Variants in EYS observed in about 807,000 individuals in gnomAD.
EYS encodes protein eyes shut homolog.
EYS carries 250 observed loss-of-function variants against 282.1 expected under a neutral mutation model. The observed-to-expected ratio is 0.89, with a 90% CI of 0.80 to 0.98. EYS has a LOEUF of 0.98. EYS is among the 50% of genes least tolerant of loss of function. The pLI is 0.00. For synonymous variants in EYS, 1,355 were observed against 1,282.9 expected, an observed-to-expected ratio of 1.06 and a Z score of -1.20; for missense variants, 4,016 against 3,709.0, an observed-to-expected ratio of 1.08 and a Z score of -2.15.
At chr6:63,826,896 C>T (rs935570890) in intron 36 of EYS, among the ~76,000 whole-genome samples, 11 of 101,746 alleles carry the variant, frequency 1.1e-4, no homozygotes, top group African/African-American at 3.6e-4. Context: ...ACATAGGCAA[C>T]AAAGAGCACA....
At chr6:63,768,192 A>C (rs1040957726) in intron 40 of EYS, among the ~76,000 whole-genome samples, 4 of 152,162 alleles carry the variant, frequency 2.6e-5, no homozygotes, top group African/African-American at 9.7e-5. Flanking sequence ...AAGTCCCCAG[A>C]AGCAATTTCC....
At chr6:64,869,179 G>A (rs1461387978) in intron 19 of EYS, among the ~76,000 whole-genome samples, 1 of 151,438 alleles carries the variant, frequency 6.6e-6, no homozygotes, top group Non-Finnish European at 1.5e-5. Context: ...TCTATGTCTT[G>A]TGAGCTTAAC....
At chr6:64,538,205 T>G (rs1582868779) in intron 26 of EYS, among the ~76,000 whole-genome samples, 1 of 152,188 alleles carries the variant, frequency 6.6e-6, no homozygotes, top group African/African-American at 2.4e-5. Context: ...TATTTAAGCT[T>G]GAGGTATGTT....
At chr6:64,679,488 T>A (rs1213315799) in intron 22 of EYS, among the ~76,000 whole-genome samples, 2 of 152,184 alleles carry the variant, frequency 1.3e-5, no homozygotes, top group Admixed American at 1.3e-4. Context: ...ATAATACTGC[T>A]GGGAAAAGTC....
intron 8 of EYS, among the ~76,000 whole-genome samples, chr6:65,376,192 A>G (rs1485834453): frequency 6.6e-6 from 1 of 152,214 alleles, no homozygotes; most frequent in Non-Finnish European, 1.5e-5. Flanking sequence ...CACAAACCCT[A>G]CAAGCCAGAA....
chr6:65,001,754 T>G (rs1771474291), intron 13 of EYS, among the ~76,000 whole-genome samples: 1 of 147,850 alleles, frequency 6.8e-6, no homozygotes, highest in Non-Finnish European at 1.5e-5. Flanking sequence ...AGAGAAAGTA[T>G]GAAGAATCTA....
At chr6:65,010,623 C>T (rs1403323785) in intron 13 of EYS, among the ~76,000 whole-genome samples, 1 of 152,162 alleles carries the variant, frequency 6.6e-6, no homozygotes, top group African/African-American at 2.4e-5. Flanking sequence ...GCGAGGTATG[C>T]AGTGGTCAGT....
rs548385022 is a variant in EYS, at chr6:64,706,922, T to C, written c.3444-80677A>G. ...ACAATGTGGAAATTCCTTAAAGAAC[T>C]AAAAGTAGAACTACCATTTGATTCA... On this transcript the variant is annotated intron_variant, in intron 22 of 42. Transcript: ENST00000503581. Among the ~76,000 whole-genome samples, 3 of 152,222 alleles carry C rather than the reference T, an allele frequency of 2.0e-5. No individual in the cohort carries two copies. The South Asian group carries it at 6.2e-4, about 32-fold the overall frequency.
At position 64,851,047 on chromosome 6, in the gene EYS, A is replaced by C. The variant is rs185885657; in HGVS notation, c.2993-28225T>G. ...ACATTGTGGTGGTTTGGCAGTATTT[A>C]AAATGAGATATCAATTAGCATATTT... On this transcript the variant is annotated intron_variant, in intron 19 of 42. Coordinates refer to ENST00000503581, the MANE Select transcript of EYS (RefSeq NM_001142800.2). 1.6e-4 allele frequency among the ~76,000 whole-genome samples: 24 copies of C among 152,232 alleles called. No homozygotes were observed. In the East Asian group the frequency reaches 4.6e-3, roughly 29 times the overall value.
chr6:64,883,565 T>C (rs1464101563), intron 19 of EYS, among the ~76,000 whole-genome samples: 1 of 151,412 alleles, frequency 6.6e-6, no homozygotes, highest in Non-Finnish European at 1.5e-5. Flanking sequence ...TAATCGTGTC[T>C]AGTTAAGAGG....
chr6:64,182,775 A>C (rs550623758), intron 31 of EYS, among the ~76,000 whole-genome samples: 2 of 151,528 alleles, frequency 1.3e-5, no homozygotes, highest in African/African-American at 4.8e-5. Flanking sequence ...CTTTCTACTC[A>C]CTCTGCTCCT....
intron 5 of EYS, among the ~76,000 whole-genome samples, chr6:65,472,956 G>A (rs919570828): frequency 4.0e-5 from 6 of 151,466 alleles, no homozygotes; most frequent in East Asian, 3.9e-4. Flanking sequence ...CAATGACACC[G>A]GTTTAATGAA....
chr6:64,475,242 T>C (rs1776224639), intron 26 of EYS, among the ~76,000 whole-genome samples: 2 of 152,128 alleles, frequency 1.3e-5, no homozygotes, highest in African/African-American at 4.8e-5. Flanking sequence ...ACTTCATAGT[T>C]TGCTCTGAAT....
At chr6:64,298,238 TAAAC>T (rs1490994853) in intron 30 of EYS, among the ~76,000 whole-genome samples, 1 of 152,144 alleles carries the variant, frequency 6.6e-6, no homozygotes. Flanking sequence ...TCTAAATAAT[TAAAC>T]AGATTAATAC....
chr6:65,120,903 A>G (rs1775528162), intron 12 of EYS, among the ~76,000 whole-genome samples: 1 of 152,162 alleles, frequency 6.6e-6, no homozygotes, highest in Non-Finnish European at 1.5e-5. Flanking sequence ...CTTGTACCTT[A>G]TCAACAAGAA....
chr6:65,443,610 T>C (rs1768521804), intron 5 of EYS, among the ~76,000 whole-genome samples: 1 of 150,838 alleles, frequency 6.6e-6, no homozygotes. Flanking sequence ...CATATACACA[T>C]ATACACACAT....
intron 5 of EYS, among the ~76,000 whole-genome samples, chr6:65,423,890 G>A (rs1272658203): frequency 6.6e-6 from 1 of 151,956 alleles, no homozygotes; most frequent in East Asian, 1.9e-4. Flanking sequence ...ATCCCTGAGA[G>A]TGTTTATTTA....
intron 19 of EYS, among the ~76,000 whole-genome samples, chr6:64,861,881 A>AT (rs1407503661): frequency 3.3e-5 from 5 of 152,200 alleles, no homozygotes; most frequent in Non-Finnish European, 5.9e-5. Flanking sequence ...CTTTACATAG[A>AT]TTTTGGTTTC....
chr6:64,667,489 A>G (rs1212914552), intron 22 of EYS, among the ~76,000 whole-genome samples: 2 of 151,670 alleles, frequency 1.3e-5, no homozygotes, highest in Non-Finnish European at 2.9e-5. Flanking sequence ...TAGTTATTTT[A>G]AAAGATCATT....
Sources: allele counts gnomAD v4.1 joint callset (sites outside exome capture counted in the v4.1 genomes callset), GRCh38; gene constraint gnomAD v4.1.1; transcripts MANE v1.5; gene names NCBI Gene and HGNC (gene_info 2026-07-23, HGNC 2026-07-21).